The following SH3GL3 variants were observed in gnomAD, a reference collection of about 807,000 sequenced individuals.
SH3GL3 encodes SH3 domain containing GRB2 like 3, endophilin A3, also known as endophilin-A3.
Under a neutral mutation model 47.7 loss-of-function variants are expected in SH3GL3, and 33 were observed. That is an observed-to-expected ratio of 0.69 (90% CI 0.52 to 0.92). The LOEUF (loss-of-function observed/expected upper bound fraction) is 0.92, where lower values mean the gene tolerates loss of function less well. Among genes scored for constraint, SH3GL3 ranks in the 40% least tolerant of loss-of-function variants. SH3GL3 has a pLI of 0.00. For synonymous variants in SH3GL3, 155 were observed against 148.8 expected, an observed-to-expected ratio of 1.04 and a Z score of -0.30; for missense variants, 363 against 417.8, an observed-to-expected ratio of 0.87 and a Z score of 1.14.
Position 83,541,312 on chromosome 15 carries a change from A to ATTTTTTTTTTTT in SH3GL3, c.46-17913_46-17902dup, listed in dbSNP as rs71156085. Among the ~76,000 whole-genome samples the ATTTTTTTTTTTT allele has an allele frequency of 1.7e-3, 82 of 47,366 alleles. 21 individuals are homozygous for ATTTTTTTTTTTT. The highest frequency in any genetic ancestry group is 5.5e-3 in the East Asian group (6 of 1,088). 31.1% of individuals were successfully genotyped at this position (47,366 alleles called of 152,430 possible). A position where few individuals can be genotyped will look rare whatever the true frequency, so the allele number is the denominator to read the frequency against. Reference sequence around the variant, plus strand: ...GATGGCTGGATCATATGGTAATTCTATTTTTTTTTTTTTTTTTTTTTTTTT... The same window carrying ATTTTTTTTTTTT: ...GATGGCTGGATCATATGGTAATTCTATTTTTTTTTTTTTTTTTTTTTTTTTTTTTTTTTTTTT... On this transcript the variant is annotated intron_variant, in intron 1 of 8. Coordinates refer to ENST00000427482, the MANE Select transcript of SH3GL3 (RefSeq NM_003027.5).
At chr15:83,622,782 C>T, downstream of SH3GL3, among the ~76,000 whole-genome samples, 1 of 152,246 alleles carries the variant, frequency 6.6e-6, no homozygotes. Flanking sequence ...TGGCAGTAGC[C>T]ACTGTCTTCC....
chr15:83,478,777 G>A (rs1035823005), intron 1 of SH3GL3, among the ~76,000 whole-genome samples: 2 of 152,152 alleles, frequency 1.3e-5, no homozygotes, highest in Non-Finnish European at 2.9e-5. Flanking sequence ...CTCCAACACG[G>A]TGGACTCAAC....
rs1404933188 is a variant in SH3GL3 at position 83,572,749 on chromosome 15, A to G, written c.465+51A>G. The G allele has an allele frequency of 4.4e-6, 6 of 1,368,388 alleles. No individual in the cohort carries two copies. In the South Asian group the frequency reaches 7.6e-5, roughly 17 times the overall value. The allele number at this position is 1,368,388 out of a possible 1,614,324, so 84.8% of individuals were successfully genotyped here. A position where few individuals can be genotyped will look rare whatever the true frequency, so the allele number is the denominator to read the frequency against. On this transcript the variant is annotated intron_variant, in intron 5 of 8. Coordinates refer to ENST00000427482, the MANE Select transcript of SH3GL3 (RefSeq NM_003027.5). ...CCTGTTGCTACATAAGATGATGTTT[A>G]TATTTAAAATCACTAGAACGTTTCA...
At chr15:83,501,564 C>G (rs557502870) in intron 1 of SH3GL3, among the ~76,000 whole-genome samples, 1 of 152,290 alleles carries the variant, frequency 6.6e-6, no homozygotes, top group South Asian at 2.1e-4. Context: ...GTTACTCGTC[C>G]TACACATGAG....
chr15:83,523,668 C>T (rs181681936), intron 1 of SH3GL3, among the ~76,000 whole-genome samples: 2 of 152,270 alleles, frequency 1.3e-5, no homozygotes, highest in East Asian at 1.9e-4. Flanking sequence ...GAAGATCCCA[C>T]CTTAATTTTA....
chr15:83,495,981 A>AAT (rs142046826), intron 1 of SH3GL3, among the ~76,000 whole-genome samples: 3 of 152,022 alleles, frequency 2.0e-5, no homozygotes, highest in South Asian at 4.1e-4. Flanking sequence ...TAAAAAAAAA[A>AAT]GGAGCGGGGA....
chr15:83,618,466 C>T lies in SH3GL3; in HGVS notation c.*179C>T, dbSNP rs1425227073. Reference sequence around the variant, plus strand: ...AATTTGTATAAATGATTTTCTTGTCCTTGCTACATGAAAATATTTTCTTTT... The same window carrying T: ...AATTTGTATAAATGATTTTCTTGTCTTTGCTACATGAAAATATTTTCTTTT... On this transcript the variant is annotated 3_prime_UTR_variant, in exon 9 of 9. Transcript: ENST00000427482. 1.9e-6 allele frequency: 1 copy of T among 535,844 alleles called. No individual in the cohort carries two copies. The highest frequency in any genetic ancestry group is 2.4e-5 in the South Asian group (1 of 42,028). 33.2% of individuals were successfully genotyped at this position (535,844 alleles called of 1,614,324 possible).
intron 1 of SH3GL3, among the ~76,000 whole-genome samples, chr15:83,493,121 T>C (rs921273241): frequency 6.6e-6 from 1 of 152,260 alleles, no homozygotes. Context: ...GATTGTTGTT[T>C]CTTGGTTATT....
chr15:83,567,209 C>T (rs1434359996), intron 3 of SH3GL3, among the ~76,000 whole-genome samples: 1 of 152,124 alleles, frequency 6.6e-6, no homozygotes, highest in African/African-American at 2.4e-5. Context: ...TACTCCTTGT[C>T]CACTGATTAT....
At position 83,447,883 on chromosome 15, in the gene SH3GL3, G is replaced by C. The variant is rs769709563; in HGVS notation, c.45+305G>C. Among the ~76,000 whole-genome samples the C allele has an allele frequency of 1.3e-5, 2 of 152,176 alleles. No homozygotes were observed. The highest frequency in any genetic ancestry group is 4.8e-5 in the African/African-American group (2 of 41,448). ...CTCGGGAGGCGGAGACGGAGTGGGC[G>C]TGGGGGGGCCCCTACCCGCGCGAGG... On this transcript the variant is annotated intron_variant, in intron 1 of 8. Transcript: ENST00000427482. The surrounding 1 kb of genome is among the most constrained non-coding windows in gnomAD (Gnocchi z 5.1).
At chr15:83,629,729 A>T in the SH3GL3 span, among the ~76,000 whole-genome samples, 1 of 152,168 alleles carries the variant, frequency 6.6e-6, no homozygotes, top group Non-Finnish European at 1.5e-5. Context: ...CTTAGGTGGG[A>T]GGATCACTTG....
chr15:83,530,300 CT>C (rs1306705011), intron 1 of SH3GL3, among the ~76,000 whole-genome samples: 1 of 152,110 alleles, frequency 6.6e-6, no homozygotes, highest in Non-Finnish European at 1.5e-5. Context: ...GATAGAGAGG[CT>C]CTTCCATGGC....
intron 1 of SH3GL3, among the ~76,000 whole-genome samples, chr15:83,483,059 C>G (rs1034765821): frequency 2.6e-5 from 4 of 152,132 alleles, no homozygotes; most frequent in African/African-American, 9.7e-5. Context: ...GTCATACTTA[C>G]TTTGATTTCT....
intron 8 of SH3GL3, among the ~76,000 whole-genome samples, chr15:83,594,694 A>T (rs958730115): frequency 1.3e-5 from 2 of 152,188 alleles, no homozygotes; most frequent in Admixed American, 6.5e-5. Context: ...ATTTTGTAGA[A>T]TGTCCCCCAG....
chr15:83,576,563 A>G lies in SH3GL3; in HGVS notation c.466-20A>G, dbSNP rs753010505. On this transcript the variant is annotated intron_variant, in intron 5 of 8. Coordinates refer to ENST00000427482, the MANE Select transcript of SH3GL3 (RefSeq NM_003027.5). ...TTTGAATGTAGCACCTCTCTGAGGG[A>G]CTCCATTCTCTTTTTTTAGCATCAC... is the stretch of plus-strand genomic sequence containing the variant. 1 of 1,591,320 alleles carries G rather than the reference A, an allele frequency of 6.3e-7. No individual in the cohort carries two copies. The highest frequency in any genetic ancestry group is 1.1e-5 in the South Asian group (1 of 87,938).
chr15:83,458,442 G>A (rs759748550), intron 1 of SH3GL3, among the ~76,000 whole-genome samples: 11 of 152,104 alleles, frequency 7.2e-5, no homozygotes, highest in Admixed American at 5.9e-4. Context: ...TCTTTTCCCC[G>A]TCCCTGGCTA....
At chr15:83,558,657 A>C (rs977774143) in intron 1 of SH3GL3, among the ~76,000 whole-genome samples, 8 of 152,146 alleles carry the variant, frequency 5.3e-5, no homozygotes, top group African/African-American at 1.9e-4. Context: ...AACCTGTCCT[A>C]TCCATTCCTG....
At chr15:83,597,610 T>A (rs533105360) in intron 8 of SH3GL3, among the ~76,000 whole-genome samples, 40 of 151,432 alleles carry the variant, frequency 2.6e-4, no homozygotes, top group African/African-American at 6.3e-4. Flanking sequence ...TTATTATAAT[T>A]ATTATTATTT....
intron 1 of SH3GL3, among the ~76,000 whole-genome samples, chr15:83,457,027 T>A (rs950308705): frequency 6.6e-6 from 1 of 152,274 alleles, no homozygotes; most frequent in African/African-American, 2.4e-5. Context: ...TTACAATATT[T>A]ACATTTGTGT....
Sources: gnomAD v4.1 joint callset for allele counts (sites outside exome capture counted in the v4.1 genomes callset) on GRCh38, gnomAD v4.1.1 for gene constraint, Gnocchi (gnomAD v3.1) non-coding constraint, MANE v1.5 for transcripts, NCBI Gene and HGNC (gene_info 2026-07-23, HGNC 2026-07-21) for gene names.